Variants in PTCHD1 observed in about 807,000 individuals in gnomAD.
PTCHD1 encodes patched domain containing 1, also known as patched domain-containing protein 1.
A neutral mutation model predicts 34.6 loss-of-function variants in PTCHD1; 3 were observed. The observed-to-expected ratio is 0.09, with a 90% CI of 0.04 to 0.22. The LOEUF is 0.22. PTCHD1 is among the 10% of genes least tolerant of loss of function. The pLI is 1.00. For missense variants in PTCHD1, 504 were observed against 685.5 expected (o/e 0.74, Z 2.96); for synonymous variants, 305 against 283.1 (o/e 1.08, Z -0.77).
Position 23,395,658 on chromosome X carries a change from G to C in PTCHD1, c.*1473G>C, listed in dbSNP as rs750144231. The C allele has an allele frequency of 5.4e-5, 6 of 111,877 alleles. No individual in the cohort carries two copies. The highest frequency in any genetic ancestry group is 5.6e-5 in the Non-Finnish European group (3 of 53,141). The allele number at this position is 111,877 out of a possible 1,213,427, so 9.2% of individuals were successfully genotyped here. On this transcript the variant is annotated 3_prime_UTR_variant, in exon 3 of 3. Coordinates refer to ENST00000379361, the MANE Select transcript of PTCHD1 (RefSeq NM_173495.3). The stretch of plus-strand genomic sequence containing the variant: ...ACAGAAATGGTTTAGATCTAAAAAG[G>C]CTGTATACGTTGCCCAGGCCCCTGC...
intron 1 of PTCHD1, among the ~76,000 whole-genome samples, chrX:23,348,028 A>G (rs1921523129): frequency 1.8e-5 from 2 of 111,257 alleles, no homozygotes; most frequent in South Asian, 7.7e-4. Context: ...TAAAGTAACA[A>G]TGATTAATAT....
chrX:23,358,571 C>T (rs1921878652), intron 1 of PTCHD1, among the ~76,000 whole-genome samples: 4 of 111,592 alleles, frequency 3.6e-5, no homozygotes, highest in African/African-American at 1.3e-4. Flanking sequence ...GGGTAAATTG[C>T]AAAAATTTTC....
chrX:23,343,649 A>G (rs1921402235), intron 1 of PTCHD1, among the ~76,000 whole-genome samples: 1 of 111,463 alleles, frequency 9.0e-6, no homozygotes. Flanking sequence ...GTATTGTTCT[A>G]AGAGGCAAAC....
chrX:23,366,633 A>T (rs762928937), intron 1 of PTCHD1, among the ~76,000 whole-genome samples: 2 of 111,122 alleles, frequency 1.8e-5, no homozygotes, highest in South Asian at 3.8e-4. Context: ...GTCCTTGATG[A>T]CTGCAAGGCC....
At chrX:23,355,836 T>G (rs1478099463) in intron 1 of PTCHD1, among the ~76,000 whole-genome samples, 1 of 112,552 alleles carries the variant, frequency 8.9e-6, no homozygotes, top group Non-Finnish European at 1.9e-5. Context: ...TGCTAGCCAT[T>G]TTACAAATGC....
chrX:23,351,310 A>C, intron 1 of PTCHD1: 1 of 871,188 alleles, frequency 1.1e-6, no homozygotes. Flanking sequence ...CAACTTACAC[A>C]ATTTTGCTTC....
At chrX:23,369,598 G>A (rs1922227726) in intron 1 of PTCHD1, among the ~76,000 whole-genome samples, 1 of 111,625 alleles carries the variant, frequency 9.0e-6, no homozygotes, top group South Asian at 3.8e-4. Flanking sequence ...CTGATTTGCT[G>A]TGAGGGTTAA....
chrX:23,385,687 T>C (rs1021820717), intron 2 of PTCHD1, among the ~76,000 whole-genome samples: 1 of 111,741 alleles, frequency 8.9e-6, no homozygotes, highest in Admixed American at 9.5e-5. Context: ...CCAAGGCTAC[T>C]TTATTACTCA....
At chrX:23,350,060 TAAAAAAAAAAAAAAAAAA>T (rs57194123) in intron 1 of PTCHD1, among the ~76,000 whole-genome samples, 3 of 40,411 alleles carry the variant, frequency 7.4e-5, no homozygotes, top group Admixed American at 3.8e-4. Flanking sequence ...TTAGTGCTGT[TAAAAAAAAAAAAAAAAAA>T]AAAAAAAAAA....
chrX:23,382,273 A>G (rs925733733), intron 2 of PTCHD1, among the ~76,000 whole-genome samples: 1 of 112,836 alleles, frequency 8.9e-6, no homozygotes, highest in African/African-American at 3.2e-5. Flanking sequence ...AGTTTCTTCA[A>G]ATTAATTTTA....
At chrX:23,387,234 A>C (rs1192904891) in intron 2 of PTCHD1, among the ~76,000 whole-genome samples, 1 of 112,058 alleles carries the variant, frequency 8.9e-6, no homozygotes, top group African/African-American at 3.2e-5. Context: ...TGGGTAAAGA[A>C]AGGTTAACTC....
rs1491552270 is a variant in PTCHD1 at position 23,342,331 on chromosome X, TTA to T, written c.351+7106_351+7107del. On this transcript the variant is annotated intron_variant, in intron 1 of 2. Coordinates refer to ENST00000379361, the MANE Select transcript of PTCHD1 (RefSeq NM_173495.3). The stretch of plus-strand genomic sequence containing the variant: ...ATATATTTTTTTTTTTTTTTTTTTT[TTA>T]AAAGAATTGGGTACAGAGCTACAGG... Among the ~76,000 whole-genome samples the T allele has an allele frequency of 1.7e-3, 68 of 39,265 alleles. 2 individuals carry two copies. The highest frequency in any genetic ancestry group is 2.2e-3 in the Non-Finnish European group (62 of 27,625). 34.1% of individuals were successfully genotyped at this position (39,265 alleles called of 115,157 possible).
chrX:23,358,295 T>A (rs1921866452), intron 1 of PTCHD1, among the ~76,000 whole-genome samples: 1 of 112,218 alleles, frequency 8.9e-6, no homozygotes, highest in African/African-American at 3.2e-5. Flanking sequence ...AGTGTTCCTA[T>A]TTCTCCACAT....
chrX:23,359,969 T>A (rs1394809271), intron 1 of PTCHD1, among the ~76,000 whole-genome samples: 1 of 112,185 alleles, frequency 8.9e-6, no homozygotes, highest in African/African-American at 3.2e-5. Context: ...TTGCATATGT[T>A]GAACCAGCCT....
chrX:23,343,746 G>A (rs1028320026), intron 1 of PTCHD1, among the ~76,000 whole-genome samples: 15 of 112,418 alleles, frequency 1.3e-4, no homozygotes, highest in Non-Finnish European at 2.6e-4. Context: ...CAGCGTGGAA[G>A]ATAAAGATTC....
chrX:23,340,430 GC>G (rs57667294), intron 1 of PTCHD1, among the ~76,000 whole-genome samples: 16,228 of 111,183 alleles, frequency 0.15, 1,055 homozygotes, highest in South Asian at 0.29. Context: ...TGACGAAGGG[GC>G]TAAGTTGACA....
At position 23,386,590 on chromosome X, in the gene PTCHD1, C is replaced by G. The variant is rs1263082834; in HGVS notation, c.1013-5941C>G. On this transcript the variant is annotated intron_variant, in intron 2 of 2. Coordinates refer to ENST00000379361, the MANE Select transcript of PTCHD1 (RefSeq NM_173495.3). ...GTTACTCAACCCAGACATATATACACTTTAAATTTCTTCTCAAAAACACAA... is the reference window on the plus strand; with the variant it reads ...GTTACTCAACCCAGACATATATACAGTTTAAATTTCTTCTCAAAAACACAA... Among the ~76,000 whole-genome samples, 3 of 112,288 alleles carry G rather than the reference C, an allele frequency of 2.7e-5. No homozygotes were observed. The East Asian group carries it at 8.3e-4, about 31-fold the overall frequency.
intron 1 of PTCHD1, among the ~76,000 whole-genome samples, chrX:23,370,885 CTG>C (rs763040560): frequency 9.0e-6 from 1 of 111,426 alleles, no homozygotes; most frequent in Non-Finnish European, 1.9e-5. Flanking sequence ...TAGCCCAAAA[CTG>C]TTGTCTTTTT....
intron 1 of PTCHD1, among the ~76,000 whole-genome samples, chrX:23,371,483 T>G (rs1922277336): frequency 8.9e-6 from 1 of 111,925 alleles, no homozygotes; most frequent in African/African-American, 3.3e-5. Flanking sequence ...TAGGAGGACA[T>G]GTGAGCTGGG....
Sources: allele counts gnomAD v4.1 joint callset (sites outside exome capture counted in the v4.1 genomes callset), GRCh38; gene constraint gnomAD v4.1.1; transcripts MANE v1.5; gene names NCBI Gene and HGNC (gene_info 2026-07-23, HGNC 2026-07-21).